CMSS1: variants seen among roughly 807,000 people sequenced by gnomAD.
CMSS1 encodes the protein cms1 ribosomal small subunit homolog.
A neutral mutation model predicts 43.5 loss-of-function variants in CMSS1; 33 were observed. The observed-to-expected ratio is 0.76, with a 90% confidence interval of 0.57 to 1.01. The LOEUF (loss-of-function observed/expected upper bound fraction) is 1.01, where lower values mean the gene tolerates loss of function less well. CMSS1 is among the 50% of genes least tolerant of loss of function. The pLI, the probability that CMSS1 is intolerant of heterozygous loss-of-function variation, is 0.00. For synonymous variants in CMSS1, 115 were observed against 117.2 expected (o/e 0.98, Z 0.12); for missense variants, 313 against 326.4 (o/e 0.96, Z 0.32).
chr3:100,002,699 T>G (rs1157875984), intron 1 of CMSS1, among the ~76,000 whole-genome samples: 2 of 152,194 alleles, frequency 1.3e-5, no homozygotes, highest in East Asian at 3.8e-4. Context: ...CTCATCTAAT[T>G]GTACATGTGG....
chr3:99,849,756 C>T (rs1280694067), intron 1 of CMSS1: 2 of 1,613,760 alleles, frequency 1.2e-6, no homozygotes, highest in Admixed American at 1.7e-5. Context: ...CTTTCATGTC[C>T]TTTAGCTTCA....
At chr3:99,983,474 A>G (rs372699909) in intron 1 of CMSS1, among the ~76,000 whole-genome samples, 419 of 16,656 alleles carry the variant, frequency 0.025, 14 homozygotes, top group South Asian at 0.16. Context: ...GTATATATAT[A>G]TATATATATA....
intron 1 of CMSS1, among the ~76,000 whole-genome samples, chr3:99,986,072 A>G (rs148818678): frequency 1.3e-5 from 2 of 152,380 alleles, no homozygotes; most frequent in African/African-American, 2.4e-5. Context: ...ATTAATGTCT[A>G]TAAGATATTA....
At chr3:100,133,007 G>T (rs1434019889) in intron 1 of CMSS1, among the ~76,000 whole-genome samples, 1 of 151,904 alleles carries the variant, frequency 6.6e-6, no homozygotes, top group Non-Finnish European at 1.5e-5. Flanking sequence ...TGACCCAAAA[G>T]CTTGTGGAAA....
chr3:99,946,729 G>A lies in CMSS1; in HGVS notation c.64+128686G>A, dbSNP rs1048314046. On this transcript the variant is annotated intron_variant, in intron 1 of 9. Coordinates refer to ENST00000421999, the MANE Select transcript of CMSS1 (RefSeq NM_032359.4). ...AACGTGGTGGTGGCTACATCTGGAGGCCTGAATCCACAGTATTCTTATTTT... is the reference window on the plus strand; with the variant it reads ...AACGTGGTGGTGGCTACATCTGGAGACCTGAATCCACAGTATTCTTATTTT... 2.6e-5 allele frequency among the ~76,000 whole-genome samples: 4 copies of A among 152,158 alleles called. 1 individual carries two copies. The East Asian group carries it at 7.7e-4, about 29-fold the overall frequency.
intron 1 of CMSS1, among the ~76,000 whole-genome samples, chr3:99,860,672 A>G (rs1385435585): frequency 6.6e-6 from 1 of 152,176 alleles, no homozygotes; most frequent in Non-Finnish European, 1.5e-5. Flanking sequence ...TGCTGCTATG[A>G]AAGGGCCAGG....
intron 1 of CMSS1, among the ~76,000 whole-genome samples, chr3:99,881,932 C>T (rs1239267161): frequency 3.3e-5 from 5 of 152,044 alleles, no homozygotes; most frequent in African/African-American, 9.7e-5. Flanking sequence ...CAGAGAAAGA[C>T]CTGTGGATTC....
intron 1 of CMSS1, among the ~76,000 whole-genome samples, chr3:99,902,412 T>C (rs1264773553): frequency 6.6e-6 from 1 of 152,204 alleles, no homozygotes; most frequent in Non-Finnish European, 1.5e-5. Context: ...GTTTCTCAGA[T>C]GCATTTCCAT....
intron 1 of CMSS1, among the ~76,000 whole-genome samples, chr3:100,130,431 T>C (rs913268933): frequency 6.6e-6 from 1 of 152,240 alleles, no homozygotes; most frequent in Admixed American, 6.5e-5. Context: ...ACTCATATTA[T>C]GTGGCCATCT....
chr3:99,850,511 G>A (rs1466008088), intron 1 of CMSS1: 1 of 1,612,938 alleles, frequency 6.2e-7, no homozygotes, highest in Admixed American at 1.7e-5. Context: ...ATTTTTATGA[G>A]CTCTTCATCT....
intron 7 of CMSS1, 52 bp from the exon 8 acceptor site, chr3:100,172,264 T>C: frequency 6.8e-7 from 1 of 1,468,700 alleles, no homozygotes; most frequent in Non-Finnish European, 9.5e-7. Flanking sequence ...TGGTGTAAGA[T>C]AGCACTTTCT....
At chr3:100,135,670 G>A (rs9837131) in intron 1 of CMSS1, among the ~76,000 whole-genome samples, 62,572 of 149,118 alleles carry the variant, frequency 0.42, 13,608 homozygotes, top group South Asian at 0.47. Context: ...TTAAAAATAA[G>A]TGAATACAAC....
chr3:100,142,966 A>G lies in CMSS1; in HGVS notation c.65-4007A>G, dbSNP rs537433305. 3.8e-4 allele frequency among the ~76,000 whole-genome samples: 58 copies of G among 152,348 alleles called. No homozygotes were observed. The South Asian group carries it at 0.012, about 32-fold the overall frequency. ...TAACATTTATGCAACACCAGTACACATTGTAAGACAAGGTAAAATTATGTG... is the reference window on the plus strand; with the variant it reads ...TAACATTTATGCAACACCAGTACACGTTGTAAGACAAGGTAAAATTATGTG... On this transcript the variant is annotated intron_variant, in intron 1 of 9. Coordinates refer to ENST00000421999, the MANE Select transcript of CMSS1 (RefSeq NM_032359.4).
intron 1 of CMSS1, among the ~76,000 whole-genome samples, chr3:100,001,741 G>A (rs1320996648): frequency 1.3e-5 from 2 of 152,144 alleles, no homozygotes; most frequent in African/African-American, 4.8e-5. Context: ...ATACCTGTAG[G>A]TTGGATCCTT....
rs185569958 is a variant in CMSS1 at position 100,119,238 on chromosome 3, C to G, written c.65-27735C>G. Among the ~76,000 whole-genome samples, 124 of 152,218 alleles carry G rather than the reference C, an allele frequency of 8.1e-4. 1 individual carries two copies. Among genetic ancestry groups the G allele is most frequent in the Non-Finnish European group, 1.1e-3 (78 of 67,996 alleles). On this transcript the variant is annotated intron_variant, in intron 1 of 9. Coordinates refer to ENST00000421999, the MANE Select transcript of CMSS1 (RefSeq NM_032359.4). The stretch of plus-strand genomic sequence containing the variant: ...AAATATGAGGTATAAATTAATTTGT[C>G]TATTTATTTTGTTTCTATGAATTAT...
At chr3:99,876,261 G>A in intron 1 of CMSS1, 1 of 977,776 alleles carries the variant, frequency 1.0e-6, no homozygotes, top group Non-Finnish European at 1.2e-6. Context: ...GCTGTCGGCG[G>A]GGGCGCCGGT....
intron 1 of CMSS1, among the ~76,000 whole-genome samples, chr3:99,988,349 A>C (rs1312629038): frequency 1.2e-4 from 18 of 149,266 alleles, no homozygotes; most frequent in African/African-American, 3.2e-4. Context: ...TCCAAAAAAA[A>C]AAAAAAAAAA....
intron 1 of CMSS1, among the ~76,000 whole-genome samples, chr3:100,001,760 A>T (rs1253085564): frequency 6.6e-6 from 1 of 152,188 alleles, no homozygotes; most frequent in Non-Finnish European, 1.5e-5. Context: ...TTTGAATTTA[A>T]ACCAGTCTGC....
chr3:100,139,091 A>G (rs184764762), intron 1 of CMSS1, among the ~76,000 whole-genome samples: 1 of 152,274 alleles, frequency 6.6e-6, no homozygotes, highest in Admixed American at 6.5e-5. Context: ...TAACCCAGGA[A>G]CAGAAAACTA....
Sources: allele counts gnomAD v4.1 joint callset (sites outside exome capture counted in the v4.1 genomes callset), GRCh38; gene constraint gnomAD v4.1.1; transcripts MANE v1.5; gene names NCBI Gene and HGNC (gene_info 2026-07-23, HGNC 2026-07-21).